FAXC: variants seen among roughly 807,000 people sequenced by gnomAD.
The protein encoded by FAXC is failed axon connections homolog.
FAXC carries 10 observed loss-of-function variants against 41.9 expected under a neutral mutation model. The ratio of observed to expected loss-of-function variants is 0.24; its 90% confidence interval spans 0.15 to 0.41. The LOEUF (loss-of-function observed/expected upper bound fraction) is 0.41, where lower values mean the gene tolerates loss of function less well. FAXC is among the 10% of genes least tolerant of loss of function. The pLI is 1.00. For synonymous variants in FAXC, 183 were observed against 183.8 expected (o/e 1.00, Z 0.03); for missense variants, 399 against 510.9 (o/e 0.78, Z 2.11).
chr6:99,333,816 G>A (rs554450541), intron 2 of FAXC, among the ~76,000 whole-genome samples: 35 of 152,086 alleles, frequency 2.3e-4, no homozygotes, highest in Non-Finnish European at 4.3e-4. Flanking sequence ...AGACCCCAGG[G>A]GCAAGGGATG....
chr6:99,326,592 G>T (rs546536992), intron 3 of FAXC, among the ~76,000 whole-genome samples: 1 of 152,156 alleles, frequency 6.6e-6, no homozygotes, highest in Non-Finnish European at 1.5e-5. Flanking sequence ...ATAGAGAACT[G>T]GTGAGCAGGG....
In FAXC at chr6:99,342,900, G is replaced by T; in HGVS notation, c.400C>A (p.Gln134Lys). Residue 134 changes from glutamine to lysine, a missense_variant and splice_region_variant, in exon 2 of 6, where the codon CAG becomes AAG. Physicochemically the swap from Gln to Lys is moderately conservative, Grantham distance 53. Around this residue, in one of 3 missense-constraint regions of FAXC, gnomAD observed 239 missense variants for 352.7 expected, o/e 0.68. Coordinates refer to ENST00000389677, the MANE Select transcript of FAXC (RefSeq NM_032511.4). Reference protein sequence around the residue: ...TYLRMADLPYQNYFGGKLSAQ... With the variant: ...TYLRMADLPYKNYFGGKLSAQ... ...AAAACATATTTGCACACAAGTACCT[G>T]ATACGGTAAGTCAGCCATCCTTAAA... is the stretch of plus-strand genomic sequence containing the variant. 6.2e-7 allele frequency: 1 copy of T among 1,602,402 alleles called. No homozygotes were observed. The highest frequency in any genetic ancestry group is 1.1e-5 in the South Asian group (1 of 88,338).
rs146062737 is a variant in FAXC, at chr6:99,329,018, G to A, written c.599+4333C>T. The stretch of plus-strand genomic sequence containing the variant: ...AAGAGATGTGCCTACGGAAAATGAA[G>A]AAGGGGCTGCCACTTTTCTCTTGGA... On this transcript the variant is annotated intron_variant, in intron 3 of 5. Transcript: ENST00000389677. Among the ~76,000 whole-genome samples, 108 of 152,296 alleles carry A rather than the reference G, an allele frequency of 7.1e-4. 1 individual carries two copies. In the East Asian group the frequency reaches 0.02, roughly 29 times the overall value.
At chr6:99,346,612 A>AG (rs67640897) in intron 1 of FAXC, among the ~76,000 whole-genome samples, 132,453 of 151,380 alleles carry the variant, frequency 0.87, 58,443 homozygotes, top group East Asian at 1. Context: ...AATGTTGGCC[A>AG]GATGGTCTCG....
intron 4 of FAXC, among the ~76,000 whole-genome samples, chr6:99,305,310 G>A (rs1771878642): frequency 6.6e-6 from 1 of 152,152 alleles, no homozygotes; most frequent in Non-Finnish European, 1.5e-5. Context: ...CATGGTTGCG[G>A]GGCAGAAAGG....
In FAXC at chr6:99,274,018, TAA is replaced by T. The variant is rs1770511736; in HGVS notation, c.*7144_*7145del. The T allele has an allele frequency of 6.6e-6, 1 of 152,174 alleles. No homozygotes were observed. Among genetic ancestry groups the T allele is most frequent in the African/African-American group, 2.4e-5 (1 of 41,444 alleles). The allele number at this position is 152,174 out of a possible 1,614,324, so 9.4% of individuals were successfully genotyped here. A position where few individuals can be genotyped will look rare whatever the true frequency, so the allele number is the denominator to read the frequency against. ...ACGATCTGGGCTGTCTGCAAACATT[TAA>T]AAGACTTCTCTAAAACAAAATGTAC... On this transcript the variant is annotated 3_prime_UTR_variant, in exon 6 of 6. Coordinates refer to ENST00000389677, the MANE Select transcript of FAXC (RefSeq NM_032511.4).
Position 99,299,948 on chromosome 6 carries a change from C to T in FAXC, c.824-8128G>A, listed in dbSNP as rs542869020. Among the ~76,000 whole-genome samples the T allele has an allele frequency of 5.9e-5, 9 of 152,200 alleles. No individual in the cohort carries two copies. In the East Asian group the frequency reaches 1.7e-3, roughly 29 times the overall value. ...AAATAAAGGTGGGTGGAGAAAATAC[C>T]AGAAGAAGCTCCTTAATTTAATCCC... On this transcript the variant is annotated intron_variant, in intron 4 of 5. Transcript: ENST00000389677.
rs1410966108 is a variant in FAXC at position 99,331,275 on chromosome 6, G to A, written c.599+2076C>T. 5.3e-5 allele frequency among the ~76,000 whole-genome samples: 8 copies of A among 152,202 alleles called. No individual in the cohort carries two copies. The East Asian group carries it at 9.7e-4, about 18-fold the overall frequency. ...TAGAGAAATAAAATTGTCCTTAGAA[G>A]AGTCTACATATGACCCAAGCAGATC... On this transcript the variant is annotated intron_variant, in intron 3 of 5. Transcript: ENST00000389677.
Position 99,323,619 on chromosome 6 carries a change from C to T in FAXC, c.648G>A (p.Lys216=). 6.2e-7 allele frequency: 1 copy of T among 1,614,236 alleles called. No homozygotes were observed. Among genetic ancestry groups the T allele is most frequent in the Non-Finnish European group, 8.5e-7 (1 of 1,180,046 alleles). ...QWVDNLNETR[K]MLSLSGGGPF... ...GACCACCACCACTAAGAGAGAGCATCTTCCGGGTCTCATTGAGATTGTCCA... is the reference window on the plus strand; with the variant it reads ...GACCACCACCACTAAGAGAGAGCATTTTCCGGGTCTCATTGAGATTGTCCA... Residue 216 remains lysine, a synonymous_variant, in exon 4 of 6, where the codon AAG becomes AAA. Coordinates refer to ENST00000389677, the MANE Select transcript of FAXC (RefSeq NM_032511.4).
chr6:99,333,486 T>A lies in FAXC; in HGVS notation c.464A>T (p.Glu155Val). 6.2e-7 allele frequency: 1 copy of A among 1,614,168 alleles called. No individual in the cohort carries two copies. Among genetic ancestry groups the A allele is most frequent in the African/African-American group, 1.3e-5 (1 of 75,050 alleles). The change falls in exon 3 of 6, where the codon GAA becomes GTA. Residue 155 changes from glutamate (E) to valine (V), a missense_variant. By Grantham distance (121) the Glu-to-Val change is moderately radical. Around this residue, in one of 3 missense-constraint regions of FAXC, gnomAD observed 239 missense variants for 352.7 expected, o/e 0.68. Coordinates refer to ENST00000389677, the MANE Select transcript of FAXC (RefSeq NM_032511.4). ...TATGAATTCTGTGCCAGAAACTTTT[T>A]CATGATTATATTCAATCCAAGGCAT... is the stretch of plus-strand genomic sequence containing the variant. ...GKMPWIEYNH[E>V]KVSGTEFIID...
At chr6:99,302,988 T>C (rs984929208) in intron 4 of FAXC, among the ~76,000 whole-genome samples, 1 of 152,076 alleles carries the variant, frequency 6.6e-6, no homozygotes, top group South Asian at 2.1e-4. Context: ...GTTGGAAAAA[T>C]GTGATCATAA....
intron 5 of FAXC, among the ~76,000 whole-genome samples, chr6:99,284,737 A>G (rs1770961793): frequency 6.6e-6 from 1 of 152,002 alleles, no homozygotes; most frequent in African/African-American, 2.4e-5. Context: ...ACATGGCGAA[A>G]CCCCATCTCT....
intron 4 of FAXC, among the ~76,000 whole-genome samples, chr6:99,317,572 G>A (rs1031567879): frequency 2.0e-5 from 3 of 150,924 alleles, no homozygotes; most frequent in African/African-American, 7.4e-5. Context: ...AGGGGCCTTA[G>A]GTCTGACAGC....
chr6:99,287,218 C>G (rs1336618777), intron 5 of FAXC, among the ~76,000 whole-genome samples: 1 of 152,028 alleles, frequency 6.6e-6, no homozygotes, highest in Non-Finnish European at 1.5e-5. Context: ...GGCCAAAATA[C>G]AGTTAATTTT....
At chr6:99,342,396 G>A (rs976335179) in intron 2 of FAXC, among the ~76,000 whole-genome samples, 2 of 150,830 alleles carry the variant, frequency 1.3e-5, no homozygotes, top group African/African-American at 4.9e-5. Context: ...CCAGACTGGA[G>A]TACAGTGGTG....
rs766405350 is a variant in FAXC at position 99,349,407 on chromosome 6, C to A, written c.-35G>T. The A allele has an allele frequency of 5.3e-6, 8 of 1,523,314 alleles. No individual in the cohort carries two copies. The African/African-American group carries it at 1.1e-4, about 21-fold the overall frequency. The allele number at this position is 1,523,314 out of a possible 1,614,324, so 94.4% of individuals were successfully genotyped here. A position where few individuals can be genotyped will look rare whatever the true frequency, so the allele number is the denominator to read the frequency against. ...CTGGCTCCGGGCGCCCCTCCCAGGG[C>A]CCGCGCCGCCCGCATGGGAAGGGGC... is the stretch of plus-strand genomic sequence containing the variant. On this transcript the variant is annotated 5_prime_UTR_variant, in exon 1 of 6. Coordinates refer to ENST00000389677, the MANE Select transcript of FAXC (RefSeq NM_032511.4).
chr6:99,346,233 T>C (rs564707972), intron 1 of FAXC, among the ~76,000 whole-genome samples: 1 of 152,346 alleles, frequency 6.6e-6, no homozygotes, highest in South Asian at 2.1e-4. Flanking sequence ...GCCTTGGTCT[T>C]TGACCTTCCT....
In FAXC at chr6:99,349,458, GGC is replaced by G; in HGVS notation, c.-88_-87del. The G allele has an allele frequency of 7.0e-6, 7 of 1,004,548 alleles. No individual in the cohort carries two copies. The highest frequency in any genetic ancestry group is 8.4e-6 in the Non-Finnish European group (7 of 838,308). 62.2% of individuals were successfully genotyped at this position (1,004,548 alleles called of 1,614,324 possible). ...CGGCGCGGCCCGGCGCGGGCTCAGA[GGC>G]GCGCGGAGGGCGCGGGCGGCGCGGG... On this transcript the variant is annotated 5_prime_UTR_variant, in exon 1 of 6. Coordinates refer to ENST00000389677, the MANE Select transcript of FAXC (RefSeq NM_032511.4).
intron 3 of FAXC, among the ~76,000 whole-genome samples, chr6:99,324,498 T>C (rs13206094): frequency 0.18 from 27,494 of 152,280 alleles, 3,059 homozygotes; most frequent in Middle Eastern, 0.27. Flanking sequence ...TCAAGAACTC[T>C]AAAGGGAACA....
Sources: allele counts gnomAD v4.1 joint callset (sites outside exome capture counted in the v4.1 genomes callset), GRCh38; gene constraint gnomAD v4.1.1; regional missense constraint gnomAD v4.1.1; transcripts MANE v1.5; gene names NCBI Gene and HGNC (gene_info 2026-07-23, HGNC 2026-07-21).